The following FAF1 variants were observed in gnomAD, a reference collection of about 807,000 sequenced individuals.
The protein encoded by FAF1 is Fas associated factor 1, also known as FAS-associated factor 1.
In FAF1, 25 loss-of-function variants were observed where a neutral mutation model predicts 92.5. The ratio of observed to expected loss-of-function variants is 0.27; its 90% CI spans 0.20 to 0.38. The LOEUF is 0.38. Among genes scored for constraint, FAF1 ranks in the 10% least tolerant of loss-of-function variants. FAF1 has a pLI of 1.00. For synonymous variants in FAF1, 234 were observed against 273.2 expected, an observed-to-expected ratio of 0.86 and a Z score of 1.42; for missense variants, 636 against 793.3, an observed-to-expected ratio of 0.80 and a Z score of 2.38.
chr1:50,618,547 G>A (rs1448737278), intron 8 of FAF1, among the ~76,000 whole-genome samples: 2 of 150,892 alleles, frequency 1.3e-5, no homozygotes, highest in Non-Finnish European at 2.9e-5. Context: ...ACAGGCATGA[G>A]CCACCGCGCC....
At chr1:50,860,633 A>G (rs1001676168) in intron 1 of FAF1, among the ~76,000 whole-genome samples, 10 of 151,924 alleles carry the variant, frequency 6.6e-5, no homozygotes, top group Non-Finnish European at 1.5e-4. Flanking sequence ...ATACAAAGGG[A>G]ATATTTATAC....
Position 50,852,083 on chromosome 1 carries a change from G to T in FAF1, c.114+5846C>A, listed in dbSNP as rs542876737. On this transcript the variant is annotated intron_variant, in intron 2 of 18. Transcript: ENST00000396153. ...CAAATATAAACAGGAAAGAAAAAAA[G>T]ATTTGTATGACATGCTTAGAAAAAA... Among the ~76,000 whole-genome samples, 309 of 152,038 alleles carry T rather than the reference G, an allele frequency of 2.0e-3. 3 individuals are homozygous for T. The highest frequency in any genetic ancestry group is 7.4e-3 in the African/African-American group (306 of 41,506).
chr1:50,718,385 C>G (rs1658277601), intron 6 of FAF1, among the ~76,000 whole-genome samples: 1 of 152,120 alleles, frequency 6.6e-6, no homozygotes, highest in Non-Finnish European at 1.5e-5. Context: ...TCAAGTAGAG[C>G]AAATAACATT....
chr1:50,692,230 T>A (rs546642409), intron 7 of FAF1, among the ~76,000 whole-genome samples: 7 of 141,830 alleles, frequency 4.9e-5, no homozygotes, highest in Non-Finnish European at 1.1e-4. Flanking sequence ...ATCCAGCACT[T>A]GAAGTATTTA....
chr1:50,889,225 T>G (rs1570104697), intron 1 of FAF1, among the ~76,000 whole-genome samples: 1 of 152,356 alleles, frequency 6.6e-6, no homozygotes, highest in East Asian at 1.9e-4. Context: ...TTTTATCATT[T>G]TTTATTGCAT....
chr1:50,857,202 CACATA>C (rs1234493110), intron 2 of FAF1, among the ~76,000 whole-genome samples: 1 of 151,740 alleles, frequency 6.6e-6, no homozygotes, highest in Non-Finnish European at 1.5e-5. Context: ...TATGTAAGTC[CACATA>C]ACATATGTGT....
At chr1:50,921,949 C>A (rs1012254166) in intron 1 of FAF1, among the ~76,000 whole-genome samples, 1 of 151,622 alleles carries the variant, frequency 6.6e-6, no homozygotes, top group African/African-American at 2.4e-5. Context: ...GGTGGATCAC[C>A]TGAGGCCAGG....
At chr1:50,895,793 T>C (rs1644753296) in intron 1 of FAF1, among the ~76,000 whole-genome samples, 1 of 151,904 alleles carries the variant, frequency 6.6e-6, no homozygotes, top group South Asian at 2.1e-4. Context: ...ACAAAAACCA[T>C]ATGTTCACTG....
intron 14 of FAF1, among the ~76,000 whole-genome samples, chr1:50,538,063 G>A (rs891447132): frequency 6.6e-6 from 1 of 151,606 alleles, no homozygotes; most frequent in South Asian, 2.1e-4. Flanking sequence ...GGTTCACTGA[G>A]TTATGCATTT....
intron 7 of FAF1, among the ~76,000 whole-genome samples, chr1:50,689,615 A>G (rs187937964): frequency 4.7e-4 from 72 of 152,288 alleles, no homozygotes; most frequent in South Asian, 3.1e-3. Context: ...AAAACAAAAC[A>G]TATGTCCAAA....
chr1:50,585,001 T>C (rs755777064), intron 9 of FAF1, among the ~76,000 whole-genome samples, 190 bp from the exon 10 acceptor site: 1 of 152,200 alleles, frequency 6.6e-6, no homozygotes, highest in Non-Finnish European at 1.5e-5. Flanking sequence ...GTGATACCTG[T>C]AGACCGAAGG....
At chr1:50,472,156 C>CA (rs1314020688) in intron 18 of FAF1, among the ~76,000 whole-genome samples, 1 of 151,880 alleles carries the variant, frequency 6.6e-6, no homozygotes, top group Non-Finnish European at 1.5e-5. Context: ...TACTCTAACT[C>CA]AGAGACAGGA....
At chr1:50,647,473 G>C (rs1408815116) in intron 8 of FAF1, among the ~76,000 whole-genome samples, 1 of 152,140 alleles carries the variant, frequency 6.6e-6, no homozygotes, top group Non-Finnish European at 1.5e-5. Context: ...GATTCTGGAG[G>C]CTGCCAATTT....
intron 2 of FAF1, among the ~76,000 whole-genome samples, chr1:50,857,688 A>G (rs1372655913): frequency 6.6e-6 from 1 of 151,968 alleles, no homozygotes; most frequent in East Asian, 1.9e-4. Context: ...GATGAACCAT[A>G]ACACACAGTA....
intron 1 of FAF1, among the ~76,000 whole-genome samples, chr1:50,947,365 ACTC>A (rs1645179242): frequency 6.6e-6 from 1 of 151,728 alleles, no homozygotes; most frequent in African/African-American, 2.4e-5. Context: ...TAACCTGAAA[ACTC>A]CTCCTTCTTC....
chr1:50,888,489 T>A (rs1480110197), intron 1 of FAF1, among the ~76,000 whole-genome samples: 1 of 152,198 alleles, frequency 6.6e-6, no homozygotes, highest in East Asian at 1.9e-4. Flanking sequence ...TTTTGCCCAT[T>A]CAGTATGATA....
chr1:50,931,293 G>A (rs534894768), intron 1 of FAF1, among the ~76,000 whole-genome samples: 93 of 152,076 alleles, frequency 6.1e-4, no homozygotes, highest in African/African-American at 2.2e-3. Flanking sequence ...TATCTGCATT[G>A]TTTATACTTT....
intron 4 of FAF1, among the ~76,000 whole-genome samples, chr1:50,755,846 T>C (rs1166508418): frequency 1.3e-5 from 2 of 152,206 alleles, no homozygotes; most frequent in Admixed American, 1.3e-4. Flanking sequence ...CAGCCCAAGC[T>C]CTGCATTGAC....
intron 15 of FAF1, among the ~76,000 whole-genome samples, chr1:50,511,179 T>C (rs1647129444): frequency 6.6e-6 from 1 of 152,200 alleles, no homozygotes; most frequent in African/African-American, 2.4e-5. Flanking sequence ...GGCAGATTAG[T>C]AAAGTGAGCC....
Sources: gnomAD v4.1 joint callset for allele counts (sites outside exome capture counted in the v4.1 genomes callset) on GRCh38, gnomAD v4.1.1 for gene constraint, MANE v1.5 for transcripts, NCBI Gene and HGNC (gene_info 2026-07-23, HGNC 2026-07-21) for gene names.